DCUN1D1: variants seen among roughly 807,000 people sequenced by gnomAD.
DCUN1D1 encodes the protein DCN1-like protein 1.
DCUN1D1 carries 3 observed loss-of-function variants against 39.0 expected under a neutral mutation model. The observed-to-expected ratio is 0.08, with a 90% CI of 0.04 to 0.20. DCUN1D1 has a LOEUF of 0.20. Ranked by LOEUF, DCUN1D1 falls within the 10% of genes least tolerant of loss-of-function variation. The pLI is 1.00. For synonymous variants in DCUN1D1, 82 were observed against 96.3 expected (o/e 0.85, Z 0.87); for missense variants, 158 against 302.4 (o/e 0.52, Z 3.54).
chr3:182,981,738 C>T (rs1728558435), upstream of DCUN1D1, among the ~76,000 whole-genome samples: 1 of 152,226 alleles, frequency 6.6e-6, no homozygotes, highest in Non-Finnish European at 1.5e-5. Flanking sequence ...ACCAAAACAA[C>T]AGAACTTCTT....
chr3:182,960,354 A>G (rs1486306301), intron 4 of DCUN1D1, among the ~76,000 whole-genome samples: 2 of 152,304 alleles, frequency 1.3e-5, no homozygotes, highest in Admixed American at 6.5e-5. Flanking sequence ...CTTGTGTCTC[A>G]CCAATTTCAT....
intron 1 of DCUN1D1, among the ~76,000 whole-genome samples, chr3:182,975,523 C>T (rs1728186853): frequency 6.6e-6 from 1 of 151,852 alleles, no homozygotes; most frequent in South Asian, 2.1e-4. Context: ...TTACTATATG[C>T]ACCAAAAGTT....
chr3:182,967,178 C>T (rs1727715623), intron 1 of DCUN1D1, among the ~76,000 whole-genome samples: 1 of 149,352 alleles, frequency 6.7e-6, no homozygotes, highest in African/African-American at 2.5e-5. Context: ...GTTTAAGCAA[C>T]ACATTTGAGA....
chr3:182,978,698 G>C (rs919292877), intron 1 of DCUN1D1, among the ~76,000 whole-genome samples: 1 of 152,190 alleles, frequency 6.6e-6, no homozygotes, highest in Non-Finnish European at 1.5e-5. Context: ...AGCTAAACCA[G>C]AGAATATCAC....
chr3:182,979,795 C>T (rs1728432431), intron 1 of DCUN1D1, among the ~76,000 whole-genome samples: 1 of 152,132 alleles, frequency 6.6e-6, no homozygotes, highest in Non-Finnish European at 1.5e-5. Flanking sequence ...CGTACCCCCT[C>T]CCCCAAGCTC....
intron 1 of DCUN1D1, among the ~76,000 whole-genome samples, chr3:182,971,576 TA>T (rs1166845191): frequency 3.4e-4 from 42 of 123,936 alleles, no homozygotes; most frequent in Middle Eastern, 4.1e-3. Context: ...GACCCTATCT[TA>T]AAAAAAAAAA....
chr3:182,968,696 C>CT (rs1216626235), intron 1 of DCUN1D1, among the ~76,000 whole-genome samples: 2 of 151,920 alleles, frequency 1.3e-5, no homozygotes, highest in African/African-American at 4.8e-5. Context: ...ATCTCCCAGG[C>CT]TCAAGCGATT....
At position 182,970,745 on chromosome 3, in the gene DCUN1D1, T is replaced by C. The variant is rs79553156; in HGVS notation, c.4-4992A>G. Among the ~76,000 whole-genome samples, 775 of 152,374 alleles carry C rather than the reference T, an allele frequency of 5.1e-3. 4 individuals are homozygous for C. The highest frequency in any genetic ancestry group is 0.018 in the African/African-American group (754 of 41,592). ...TTATCATATTGACAGTTTAACTTCA[T>C]CTGAAATTTAGAAGAGCTAGTTTTA... On this transcript the variant is annotated intron_variant, in intron 1 of 6. Coordinates refer to ENST00000292782, the MANE Select transcript of DCUN1D1 (RefSeq NM_020640.4).
At chr3:182,947,852 C>T (rs1329630392) in intron 4 of DCUN1D1, among the ~76,000 whole-genome samples, 1 of 152,158 alleles carries the variant, frequency 6.6e-6, no homozygotes, top group Non-Finnish European at 1.5e-5. Flanking sequence ...AAAAATGATA[C>T]TACTTATCTC....
chr3:182,964,086 T>A (rs1195088388), intron 2 of DCUN1D1, 37 bp from the exon 3 acceptor site: 7 of 1,547,888 alleles, frequency 4.5e-6, no homozygotes, highest in Admixed American at 1.7e-5. Flanking sequence ...AGTAGTGTCA[T>A]ATTATGCTAC....
chr3:182,957,976 A>G (rs1422040275), intron 4 of DCUN1D1, among the ~76,000 whole-genome samples: 1 of 150,840 alleles, frequency 6.6e-6, no homozygotes, highest in East Asian at 1.9e-4. Context: ...AACATGGAAT[A>G]CACCAGTTCT....
rs932549978 is a variant in DCUN1D1 at position 182,948,358 on chromosome 3, G to C, written c.521-726C>G. 2.6e-5 allele frequency among the ~76,000 whole-genome samples: 4 copies of C among 152,278 alleles called. 1 individual carries two copies. Among genetic ancestry groups the C allele is most frequent in the Admixed American group, 1.3e-4 (2 of 15,304 alleles). On this transcript the variant is annotated intron_variant, in intron 4 of 6. Coordinates refer to ENST00000292782, the MANE Select transcript of DCUN1D1 (RefSeq NM_020640.4). The stretch of plus-strand genomic sequence containing the variant: ...ATAAATGACTTTTTAACTGGGCATG[G>C]ACCAGAGAAGGGTAGAGAAGGCAAT...
chr3:182,965,133 AGAAT>A (rs1727605904), intron 2 of DCUN1D1, among the ~76,000 whole-genome samples: 1 of 152,368 alleles, frequency 6.6e-6, no homozygotes, highest in South Asian at 2.1e-4. Context: ...GTTACTCAGG[AGAAT>A]GAATAAGAAA....
At position 182,942,025 on chromosome 3, in the gene DCUN1D1, G is replaced by A. The variant is rs1319535506; in HGVS notation, c.*3069C>T. ...CATTTAAGTCTGAGGAAAAAATAGT[G>A]TACCTTGCTTAAATAAGAATTCCCC... On this transcript the variant is annotated 3_prime_UTR_variant, in exon 7 of 7. Coordinates refer to ENST00000292782, the MANE Select transcript of DCUN1D1 (RefSeq NM_020640.4). The A allele has an allele frequency of 1.3e-5, 2 of 152,036 alleles. No individual in the cohort carries two copies. Among genetic ancestry groups the A allele is most frequent in the African/African-American group, 4.8e-5 (2 of 41,428 alleles). The allele number at this position is 152,036 out of a possible 1,614,324, so 9.4% of individuals were successfully genotyped here. A position where few individuals can be genotyped will look rare whatever the true frequency, so the allele number is the denominator to read the frequency against.
chr3:182,957,635 TC>T (rs1173776664), intron 4 of DCUN1D1, among the ~76,000 whole-genome samples: 1 of 147,496 alleles, frequency 6.8e-6, no homozygotes, highest in Non-Finnish European at 1.5e-5. Flanking sequence ...CTAAAACAAA[TC>T]AAAAAAAAAT....
In DCUN1D1 at chr3:182,941,250, A is replaced by T. The variant is rs1224330455; in HGVS notation, c.*3844T>A. 1 of 152,200 alleles carries T rather than the reference A, an allele frequency of 6.6e-6. No individual in the cohort carries two copies. Among genetic ancestry groups the T allele is most frequent in the Non-Finnish European group, 1.5e-5 (1 of 68,006 alleles). The allele number at this position is 152,200 out of a possible 1,614,324, so 9.4% of individuals were successfully genotyped here. On this transcript the variant is annotated 3_prime_UTR_variant, in exon 7 of 7. Transcript: ENST00000292782. ...AGAAAAATGGCAACAAATAGCAAAG[A>T]TAAACCTGGAAAAGGGCATTTGTAC...
intron 4 of DCUN1D1, among the ~76,000 whole-genome samples, chr3:182,952,898 C>G (rs1431837979): frequency 2.0e-5 from 3 of 152,244 alleles, no homozygotes; most frequent in East Asian, 3.8e-4. Flanking sequence ...TCAGCTTTCA[C>G]TCCTTTCAAA....
At chr3:182,971,282 G>A (rs1474983382) in intron 1 of DCUN1D1, among the ~76,000 whole-genome samples, 1 of 152,214 alleles carries the variant, frequency 6.6e-6, no homozygotes, top group East Asian at 1.9e-4. Flanking sequence ...AAGAAAGATG[G>A]ACAGGTGTGG....
chr3:182,947,713 G>A (rs1351073370), intron 4 of DCUN1D1, 81 bp from the exon 5 acceptor site: 3 of 813,562 alleles, frequency 3.7e-6, no homozygotes, highest in Admixed American at 2.7e-5. Context: ...CAAAAAAACA[G>A]GTATGACCAA....
Sources: gnomAD v4.1 joint callset for allele counts (sites outside exome capture counted in the v4.1 genomes callset) on GRCh38, gnomAD v4.1.1 for gene constraint, MANE v1.5 for transcripts, NCBI Gene and HGNC (gene_info 2026-07-23, HGNC 2026-07-21) for gene names.